Variants in JARID2 observed in about 807,000 individuals in gnomAD.
The protein encoded by JARID2 is jumonji and AT-rich interaction domain containing 2, also known as protein Jumonji.
Under a neutral mutation model 125.6 loss-of-function variants are expected in JARID2, and 21 were observed. The observed-to-expected ratio is 0.17, with a 90% CI of 0.12 to 0.24. JARID2 has a LOEUF of 0.24. Among genes scored for constraint, JARID2 ranks in the 10% least tolerant of loss-of-function variants. JARID2 has a pLI of 1.00. For missense variants in JARID2, 1,303 were observed against 1,639.6 expected (o/e 0.79, Z 3.55); for synonymous variants, 736 against 661.6 (o/e 1.11, Z -1.73).
chr6:15,512,217 G>A lies in JARID2; in HGVS notation c.2962G>A (p.Glu988Lys), dbSNP rs1212878571. The A allele has an allele frequency of 6.2e-7, 1 of 1,613,928 alleles. No individual in the cohort carries two copies. Among genetic ancestry groups the A allele is most frequent in the East Asian group, 2.2e-5 (1 of 44,876 alleles). Residue 988 changes from glutamate to lysine, a missense_variant, in exon 14 of 18, where the codon GAG becomes AAG. Transcript: ENST00000341776. The part of the protein sequence containing the change: ...MLESNVMISP[E>K]VLCKEGIKVH... ...GGCCCTGTCTCCCCAGATCTCCCCG[G>A]AGGTGCTGTGCAAAGAGGGGATCAA... is the stretch of plus-strand genomic sequence containing the variant.
At chr6:15,459,361 A>G (rs1044586273) in intron 4 of JARID2, among the ~76,000 whole-genome samples, 2 of 152,234 alleles carry the variant, frequency 1.3e-5, no homozygotes, top group South Asian at 4.1e-4. Context: ...TACTTATAAT[A>G]CCTAATACAA....
Position 15,452,042 on chromosome 6 carries a change from T to G in JARID2, c.360T>G (p.Ser120=). 6 of 1,614,094 alleles carry G rather than the reference T, an allele frequency of 3.7e-6. No homozygotes were observed. The highest frequency in any genetic ancestry group is 3.3e-4 in the Middle Eastern group (2 of 6,058). ...RLQAQRKFAQ[S]QPNSPSTTPV... ...AAGCACAAAGGAAGTTTGCTCAGTC[T>G]CAGCCGAATAGTCCCAGCACAACTC... is the stretch of plus-strand genomic sequence containing the variant. The change falls in exon 4 of 18, where the codon TCT becomes TCG. Residue 120 remains serine, a synonymous_variant. Coordinates refer to ENST00000341776, the MANE Select transcript of JARID2 (RefSeq NM_004973.4).
At chr6:15,446,008 A>G (rs940220688) in intron 3 of JARID2, among the ~76,000 whole-genome samples, 9 of 152,172 alleles carry the variant, frequency 5.9e-5, no homozygotes, top group Non-Finnish European at 1.0e-4. Context: ...AACAATACCA[A>G]GGCTCCTCCT....
At chr6:15,519,506 C>G (rs968367680) in intron 17 of JARID2, among the ~76,000 whole-genome samples, 1 of 152,098 alleles carries the variant, frequency 6.6e-6, no homozygotes, top group African/African-American at 2.4e-5. Context: ...ATAAGATGCA[C>G]GTTTGCTACT....
intron 4 of JARID2, among the ~76,000 whole-genome samples, chr6:15,457,347 CCTGCATCCTAATT>C (rs979409639): frequency 2.0e-5 from 3 of 152,194 alleles, no homozygotes; most frequent in African/African-American, 4.8e-5. Context: ...CCTTCTTACA[CCTGCATCCTAATT>C]CTGTTCTTTT....
At chr6:15,518,034 G>A (rs960540551) in intron 17 of JARID2, among the ~76,000 whole-genome samples, 9 of 152,260 alleles carry the variant, frequency 5.9e-5, no homozygotes, top group African/African-American at 2.2e-4. Flanking sequence ...TAAGCCTTGA[G>A]CTAAATGATC....
At chr6:15,484,167 C>T (rs1314390256) in intron 5 of JARID2, among the ~76,000 whole-genome samples, 1 of 149,724 alleles carries the variant, frequency 6.7e-6, no homozygotes, top group Non-Finnish European at 1.5e-5. Flanking sequence ...GACCATACGT[C>T]GCTAGTGGAA....
intron 14 of JARID2, 146 bp from the exon 15 acceptor site, chr6:15,512,769 G>C (rs1051405314): frequency 1.2e-6 from 1 of 861,538 alleles, no homozygotes; most frequent in Non-Finnish European, 1.8e-6. Context: ...TTCTCACAGG[G>C]AGGCAAAGTT....
intron 5 of JARID2, among the ~76,000 whole-genome samples, chr6:15,484,510 C>T (rs953011666): frequency 6.6e-6 from 1 of 150,766 alleles, no homozygotes; most frequent in African/African-American, 2.5e-5. Context: ...GTGCAGTAAC[C>T]TGAGATGGCC....
At chr6:15,304,303 T>TCTCC (rs1761736405) in intron 1 of JARID2, among the ~76,000 whole-genome samples, 1 of 26,716 alleles carries the variant, frequency 3.7e-5, no homozygotes, top group African/African-American at 1.3e-4. Context: ...AATTTGCTGA[T>TCTCC]CCCCCCCCCC....
chr6:15,439,711 C>T (rs1042897499), intron 3 of JARID2, among the ~76,000 whole-genome samples: 22 of 152,178 alleles, frequency 1.4e-4, no homozygotes, highest in Middle Eastern at 3.4e-3. Context: ...AGGATGTTTC[C>T]GGAAACTGAG....
intron 5 of JARID2, among the ~76,000 whole-genome samples, chr6:15,473,763 C>T (rs1769208231): frequency 6.6e-6 from 1 of 152,170 alleles, no homozygotes; most frequent in Non-Finnish European, 1.5e-5. Flanking sequence ...CAGAGTCCTT[C>T]CTGCTGTTGC....
intron 1 of JARID2, among the ~76,000 whole-genome samples, chr6:15,357,232 A>G (rs1236386898): frequency 3.3e-5 from 5 of 152,340 alleles, no homozygotes; most frequent in South Asian, 2.1e-4. Context: ...AGTACGCTGA[A>G]TAAGTGCAGC....
At chr6:15,361,095 T>A (rs779204068) in intron 1 of JARID2, among the ~76,000 whole-genome samples, 1 of 152,210 alleles carries the variant, frequency 6.6e-6, no homozygotes, top group Non-Finnish European at 1.5e-5. Context: ...AAAAATTCAG[T>A]GGAGGTGACT....
intron 2 of JARID2, among the ~76,000 whole-genome samples, chr6:15,382,797 TTA>T (rs1764640597): frequency 6.6e-6 from 1 of 151,882 alleles, no homozygotes; most frequent in African/African-American, 2.4e-5. Flanking sequence ...CCTGAGGAGG[TTA>T]ATGTGCTCCT....
chr6:15,419,051 A>G (rs536618320), intron 3 of JARID2, among the ~76,000 whole-genome samples: 17 of 151,976 alleles, frequency 1.1e-4, no homozygotes, highest in Non-Finnish European at 2.5e-4. Context: ...ATTATATTAA[A>G]TAAGTGCCTA....
At chr6:15,289,096 A>G (rs1038872118) in intron 1 of JARID2, among the ~76,000 whole-genome samples, 1 of 152,168 alleles carries the variant, frequency 6.6e-6, no homozygotes, top group African/African-American at 2.4e-5. Flanking sequence ...AACCCCGTTA[A>G]CAGTTAATCC....
At chr6:15,267,856 GA>G (rs1440281211) in intron 1 of JARID2, among the ~76,000 whole-genome samples, 2 of 152,124 alleles carry the variant, frequency 1.3e-5, no homozygotes, top group Non-Finnish European at 2.9e-5. Context: ...GGGGCCCTGA[GA>G]AAAAACTGCA....
intron 2 of JARID2, among the ~76,000 whole-genome samples, chr6:15,385,445 A>G (rs6906064): frequency 0.54 from 81,983 of 151,660 alleles, 22,337 homozygotes; most frequent in South Asian, 0.59. Context: ...TGAGGGAGGG[A>G]CATGTGCGTG....
Sources: allele counts gnomAD v4.1 joint callset (sites outside exome capture counted in the v4.1 genomes callset), GRCh38; gene constraint gnomAD v4.1.1; transcripts MANE v1.5; gene names NCBI Gene and HGNC (gene_info 2026-07-23, HGNC 2026-07-21).